Variants in KRT85 observed in about 807,000 individuals in gnomAD.
KRT85 encodes the protein keratin, type II cuticular Hb5.
In KRT85, 39 loss-of-function variants were observed where a neutral mutation model predicts 53.7. That is an observed-to-expected ratio of 0.73 (90% CI 0.56 to 0.95). KRT85 has a LOEUF of 0.95. KRT85 is among the 40% of genes least tolerant of loss of function. The probability of loss-of-function intolerance (pLI) is 0.00; values close to 1 mark genes in which losing one functional copy is unlikely to be tolerated. For missense variants in KRT85, 668 were observed against 686.0 expected (o/e 0.97, Z 0.29); for synonymous variants, 291 against 277.5 (o/e 1.05, Z -0.48).
Position 52,365,098 on chromosome 12 carries a change from C to T in KRT85, c.493G>A (p.Glu165Lys), listed in dbSNP as rs745914215. The change falls in exon 2 of 9, where the codon GAG becomes AAG. Residue 165 changes from glutamate to lysine, a missense_variant. Glu to Lys is a moderately conservative substitution (Grantham distance 56). Around this residue, in one of 3 missense-constraint regions of KRT85, gnomAD observed 488 missense variants for 498.1 expected, o/e 0.98. Coordinates refer to ENST00000257901, the MANE Select transcript of KRT85 (RefSeq NM_002283.4). ...WQFYQNQRCC[E>K]SNLEPLFSGY... is the part of the protein sequence containing the mutation. ...CTGAACAGTGGCTCCAGGTTGCTCT[C>T]GCAGCAGCGCTGGTTCTGGTAGAAC... 8 of 1,614,050 alleles carry T rather than the reference C, an allele frequency of 5.0e-6. No homozygotes were observed. The highest frequency in any genetic ancestry group is 4.0e-5 in the African/African-American group (3 of 74,950).
At chr12:52,366,731 T>TAC (rs751456389) in intron 1 of KRT85, among the ~76,000 whole-genome samples, 12 of 151,688 alleles carry the variant, frequency 7.9e-5, no homozygotes, top group African/African-American at 1.9e-4. Context: ...CACACACCGC[T>TAC]ACACACACAC....
At chr12:52,365,278 G>A (rs946254968) in intron 1 of KRT85, 108 bp from the exon 2 acceptor site, 46 of 1,219,998 alleles carry the variant, frequency 3.8e-5, no homozygotes, top group Non-Finnish European at 3.8e-5. Flanking sequence ...GAGCCATAAA[G>A]CTGAGTGTCT....
chr12:52,366,202 A>C (rs903246896), intron 1 of KRT85, among the ~76,000 whole-genome samples: 1 of 152,192 alleles, frequency 6.6e-6, no homozygotes, highest in Non-Finnish European at 1.5e-5. Context: ...CCCTGTCTGC[A>C]TTTCAGCCCT....
chr12:52,362,503 G>T (rs773392838), intron 6 of KRT85, 32 bp from the exon 7 acceptor site: 56 of 1,610,924 alleles, frequency 3.5e-5, no homozygotes, highest in South Asian at 3.3e-5. Flanking sequence ...GCCAGGATGA[G>T]AAAGAGAAGC....
At chr12:52,366,854 C>T (rs932671959) in intron 1 of KRT85, 132 bp downstream of exon 1, 13 of 1,441,896 alleles carry the variant, frequency 9.0e-6, no homozygotes, top group African/African-American at 1.4e-5. Context: ...GACCCTTCCA[C>T]CTGTATGGGT....
chr12:52,360,848 C>T lies in KRT85; in HGVS notation c.*5G>A, dbSNP rs1939178733. 4 of 1,612,194 alleles carry T rather than the reference C, an allele frequency of 2.5e-6. No homozygotes were observed. The East Asian group carries it at 8.9e-5, about 36-fold the overall frequency. ...TTGGCAGGAAGCCCTGGCTCCATGA[C>T]TCTACTAGGCAAAGCGGACCGACCG... On this transcript the variant is annotated 3_prime_UTR_variant, in exon 9 of 9. Coordinates refer to ENST00000257901, the MANE Select transcript of KRT85 (RefSeq NM_002283.4).
rs775603762 is a variant in KRT85, at chr12:52,362,340, G to A, written c.1209C>T (p.Leu403=). The A allele has an allele frequency of 1.2e-6, 2 of 1,614,176 alleles. No individual in the cohort carries two copies. The highest frequency in any genetic ancestry group is 1.7e-5 in the Admixed American group (1 of 60,028). Residue 403 remains leucine, a synonymous_variant, in exon 7 of 9, where the codon CTC becomes CTT. Coordinates refer to ENST00000257901, the MANE Select transcript of KRT85 (RefSeq NM_002283.4). The part of the protein sequence containing the change: ...QKAKQDMACL[L]KEYQEVMNSK... ...AGTTCATCACCTCCTGGTACTCCTT[G>A]AGCAGGCAGGCCATGTCCTGCTTGG...
At position 52,362,311 on chromosome 12, in the gene KRT85, T is replaced by C; in HGVS notation, c.1238A>G (p.Lys413Arg). ...LKEYQEVMNSKLGLDIEIATY... is the reference protein window; with the variant it reads ...LKEYQEVMNSRLGLDIEIATY... ...GGCGATCTCGATGTCCAGGCCCAGC[T>C]TGGAGTTCATCACCTCCTGGTACTC... is the stretch of plus-strand genomic sequence containing the variant. The change falls in exon 7 of 9, where the codon AAG becomes AGG. Residue 413 changes from lysine to arginine, a missense_variant. Lys to Arg is a conservative substitution (Grantham distance 26). Coordinates refer to ENST00000257901, the MANE Select transcript of KRT85 (RefSeq NM_002283.4). 1 of 1,614,144 alleles carries C rather than the reference T, an allele frequency of 6.2e-7. No individual in the cohort carries two copies. The highest frequency in any genetic ancestry group is 8.5e-7 in the Non-Finnish European group (1 of 1,180,012).
rs1939216507 is a variant in KRT85 at position 52,362,984 on chromosome 12, A to G, written c.952-5T>C. On this transcript the variant is annotated splice_region_variant and splice_polypyrimidine_tract_variant and intron_variant, in intron 5 of 8. Coordinates refer to ENST00000257901, the MANE Select transcript of KRT85 (RefSeq NM_002283.4). ...CGTGGCCTTCATCTCCTCACACTGG[A>G]GGAAGTAGAGATGCTCATGAGGCTC... The G allele has an allele frequency of 1.2e-6, 2 of 1,613,854 alleles. No individual in the cohort carries two copies. Among genetic ancestry groups the G allele is most frequent in the African/African-American group, 2.7e-5 (2 of 74,828 alleles).
rs775687879 is a variant in KRT85, at chr12:52,367,133, G to T, written c.273C>A (p.Ser91Arg). 6.2e-7 allele frequency: 1 copy of T among 1,613,412 alleles called. No homozygotes were observed. Among genetic ancestry groups the T allele is most frequent in the Admixed American group, 1.7e-5 (1 of 60,032 alleles). Residue 91 changes from serine (S) to arginine (R), a missense_variant, in exon 1 of 9, where the codon AGC (serine) becomes AGA (arginine). This residue lies in a region of KRT85 where 158 missense variants were observed against 141.8 expected (regional missense o/e 1.11). Transcript: ENST00000257901. ...GYRSGGVCGP[S>R]PPCITTVSVN... is the part of the protein sequence containing the mutation. ...CCGACACGGTAGTGATGCATGGGGG[G>T]CTGGGTCCGCACACGCCCCCGGAGC...
chr12:52,365,079 A>G lies in KRT85; in HGVS notation c.512T>C (p.Leu171Pro), dbSNP rs1592142342. ...CAGAGTCTCGATGTAGCCACTGAAC[A>G]GTGGCTCCAGGTTGCTCTCGCAGCA... ...QRCCESNLEP[L>P]FSGYIETLRR... Residue 171 changes from leucine (L) to proline (P), a missense_variant, in exon 2 of 9, where the codon CTG (leucine) becomes CCG (proline). Coordinates refer to ENST00000257901, the MANE Select transcript of KRT85 (RefSeq NM_002283.4). The G allele has an allele frequency of 3.7e-6, 6 of 1,614,036 alleles. No homozygotes were observed. In the East Asian group the frequency reaches 6.7e-5, roughly 18 times the overall value.
intron 7 of KRT85, 46 bp downstream of exon 7, chr12:52,362,204 AC>A (rs1245757354): frequency 6.2e-7 from 1 of 1,613,074 alleles, no homozygotes; most frequent in South Asian, 1.1e-5. Flanking sequence ...CTCCTGGAGG[AC>A]CACAGCCTCC....
chr12:52,364,235 G>A, intron 3 of KRT85, 71 bp downstream of exon 3: 1 of 1,612,646 alleles, frequency 6.2e-7, no homozygotes, highest in Non-Finnish European at 8.5e-7. Context: ...TGGTCAGCAT[G>A]GTGACCCTGC....
chr12:52,364,484 T>C (rs1939243342), intron 2 of KRT85, 118 bp from the exon 3 acceptor site: 2 of 1,580,598 alleles, frequency 1.3e-6, no homozygotes, highest in Non-Finnish European at 8.6e-7. Context: ...GATGTTGTCT[T>C]GGCCCCTCCA....
intron 5 of KRT85, 49 bp from the exon 6 acceptor site, chr12:52,363,028 C>T: frequency 6.2e-7 from 1 of 1,613,996 alleles, no homozygotes; most frequent in Non-Finnish European, 8.5e-7. Flanking sequence ...GCCCCCCATC[C>T]ATTCAGGACA....
At position 52,364,142 on chromosome 12, in the gene KRT85, G is replaced by T. The variant is rs368849863; in HGVS notation, c.712C>A (p.Arg238=). The change falls in exon 4 of 9, where the codon CGG becomes AGG. Residue 238 remains arginine (R), a synonymous_variant. Coordinates refer to ENST00000257901, the MANE Select transcript of KRT85 (RefSeq NM_002283.4). ...LKKDVDCAYL[R]KSDLEANVEA... ...ACATTGGCCTCCAGGTCTGATTTCCGCAGGTAGGCACAGTCCACGTCCTGG... is the reference window on the plus strand; with the variant it reads ...ACATTGGCCTCCAGGTCTGATTTCCTCAGGTAGGCACAGTCCACGTCCTGG... 34 of 1,613,986 alleles carry T rather than the reference G, an allele frequency of 2.1e-5. No individual in the cohort carries two copies. Among genetic ancestry groups the T allele is most frequent in the Non-Finnish European group, 2.8e-5 (33 of 1,180,032 alleles).
At chr12:52,365,461 T>C (rs1394297488) in intron 1 of KRT85, among the ~76,000 whole-genome samples, 2 of 152,324 alleles carry the variant, frequency 1.3e-5, no homozygotes, top group East Asian at 3.9e-4. Context: ...GAGCGAATAG[T>C]GTCTGTCTTA....
intron 2 of KRT85, 58 bp from the exon 3 acceptor site, chr12:52,364,424 A>C: frequency 6.2e-7 from 1 of 1,613,998 alleles, no homozygotes; most frequent in South Asian, 1.1e-5. Flanking sequence ...ATACCATCCC[A>C]ACTCCTGGGC....
chr12:52,364,750 C>G, intron 2 of KRT85: 1 of 1,361,986 alleles, frequency 7.3e-7, no homozygotes, highest in Non-Finnish European at 9.8e-7. Flanking sequence ...TCTCTTCATT[C>G]CCCCAGAAGT....
Sources: gnomAD v4.1 joint callset for allele counts (sites outside exome capture counted in the v4.1 genomes callset) on GRCh38, gnomAD v4.1.1 for gene constraint, gnomAD v4.1.1 regional missense constraint, MANE v1.5 for transcripts, NCBI Gene and HGNC (gene_info 2026-07-23, HGNC 2026-07-21) for gene names.